Variants in CALN1 observed in about 807,000 individuals in gnomAD.
The protein encoded by CALN1 is calcium-binding protein 8.
CALN1 carries 17 observed loss-of-function variants against 30.6 expected under a neutral mutation model. The observed-to-expected ratio is 0.56, with a 90% CI of 0.38 to 0.83. CALN1 has a LOEUF of 0.83. Ranked by LOEUF, CALN1 falls within the 40% of genes least tolerant of loss-of-function variation. The probability of loss-of-function intolerance (pLI) is 0.00; values close to 1 mark genes in which losing one functional copy is unlikely to be tolerated. For synonymous variants in CALN1, 156 were observed against 131.4 expected, an observed-to-expected ratio of 1.19 and a Z score of -1.28; for missense variants, 291 against 354.9, an observed-to-expected ratio of 0.82 and a Z score of 1.45.
At chr7:72,260,876 T>TC (rs1275934972) in intron 3 of CALN1, among the ~76,000 whole-genome samples, 2 of 152,146 alleles carry the variant, frequency 1.3e-5, no homozygotes, top group African/African-American at 4.8e-5. Context: ...TGATCTATCA[T>TC]CCCTACGGTG....
chr7:72,179,474 G>A (rs561314291), intron 3 of CALN1, among the ~76,000 whole-genome samples: 2 of 152,158 alleles, frequency 1.3e-5, no homozygotes, highest in East Asian at 3.9e-4. Context: ...AAACCAGCAA[G>A]TTTTCTCTAA....
At position 71,779,939 on chromosome 7, in the gene CALN1, G is replaced by C. The variant is rs1267186877; in HGVS notation, c.*7836C>G. 2 of 152,068 alleles carry C rather than the reference G, an allele frequency of 1.3e-5. No individual in the cohort carries two copies. The highest frequency in any genetic ancestry group is 1.3e-4 in the Admixed American group (2 of 15,256). The allele number at this position is 152,068 out of a possible 1,614,324, so 9.4% of individuals were successfully genotyped here. A position where few individuals can be genotyped will look rare whatever the true frequency, so the allele number is the denominator to read the frequency against. ...GCTTCTATTTACACCCAACATATTGGGGGCAATATACAAAATACAGTCATT... is the reference window on the plus strand; with the variant it reads ...GCTTCTATTTACACCCAACATATTGCGGGCAATATACAAAATACAGTCATT... On this transcript the variant is annotated 3_prime_UTR_variant, in exon 7 of 7. Transcript: ENST00000395275.
At chr7:72,039,275 C>G (rs844669) in intron 4 of CALN1, among the ~76,000 whole-genome samples, 1 of 151,992 alleles carries the variant, frequency 6.6e-6, no homozygotes, top group Non-Finnish European at 1.5e-5. Flanking sequence ...GAAGAGGACT[C>G]AGCAAAGGGC....
chr7:72,437,643 TTCTC>T lies in CALN1; in HGVS notation c.-226+9395_-226+9398del, dbSNP rs1236624183. Among the ~76,000 whole-genome samples, 21 of 151,546 alleles carry T rather than the reference TTCTC, an allele frequency of 1.4e-4. No individual in the cohort carries two copies. In the South Asian group the frequency reaches 1.5e-3, roughly 11 times the overall value. On this transcript the variant is annotated intron_variant, in intron 1 of 6. Coordinates refer to the CALN1 transcript ENST00000395276. Reference sequence around the variant, plus strand: ...TGCCTTTCTTTCTTTTTCTTTCTCTTTCTCTCTTTCTTTCTTTTCTTTCTTTCTT... The same window carrying T: ...TGCCTTTCTTTCTTTTTCTTTCTCTTTCTTTCTTTCTTTTCTTTCTTTCTT...
At chr7:72,155,923 G>C (rs1787644154) in intron 3 of CALN1, among the ~76,000 whole-genome samples, 1 of 152,118 alleles carries the variant, frequency 6.6e-6, no homozygotes, top group Non-Finnish European at 1.5e-5. Flanking sequence ...CAGCTGAATA[G>C]CATTTTTTCC....
At chr7:72,395,754 A>G (rs7784524) in intron 2 of CALN1, among the ~76,000 whole-genome samples, 85,138 of 151,790 alleles carry the variant, frequency 0.56, 24,899 homozygotes, top group East Asian at 0.72. Flanking sequence ...GAAAACCGAG[A>G]AGGAAAAGAT....
At chr7:72,203,486 T>A (rs915071672) in intron 3 of CALN1, among the ~76,000 whole-genome samples, 9 of 152,164 alleles carry the variant, frequency 5.9e-5, no homozygotes, top group Non-Finnish European at 1.3e-4. Flanking sequence ...ACTGCCAGGA[T>A]GTTTCTGGGG....
intron 2 of CALN1, among the ~76,000 whole-genome samples, chr7:72,329,723 G>A (rs1022722901): frequency 1.1e-4 from 17 of 152,192 alleles, no homozygotes; most frequent in African/African-American, 3.6e-4. Context: ...GGAGGCTGAG[G>A]CAGGTGGATC....
intron 4 of CALN1, among the ~76,000 whole-genome samples, chr7:72,081,825 C>A (rs1805167310): frequency 6.6e-6 from 1 of 152,088 alleles, no homozygotes; most frequent in African/African-American, 2.4e-5. Context: ...CTCTGCTGAG[C>A]CTGATTTATC....
Position 72,142,571 on chromosome 7 carries a change from G to A in CALN1, c.245-36277C>T, listed in dbSNP as rs373082128. ...GGGGCAGGGCATAGCCGAACAAAAC[G>A]CAGCAGAAACTTCTGCAGACTTAAA... On this transcript the variant is annotated intron_variant, in intron 3 of 6. Coordinates refer to ENST00000395275, the MANE Select transcript of CALN1 (RefSeq NM_031468.4). Among the ~76,000 whole-genome samples, 65 of 152,298 alleles carry A rather than the reference G, an allele frequency of 4.3e-4. 2 individuals carry two copies. The East Asian group carries it at 6.2e-3, about 14-fold the overall frequency.
intron 4 of CALN1, among the ~76,000 whole-genome samples, chr7:72,084,741 A>C (rs763313758): frequency 2.0e-5 from 3 of 152,180 alleles, no homozygotes; most frequent in Admixed American, 2.0e-4. Context: ...TCAAAGTTTC[A>C]AATGTCTGCT....
At chr7:72,250,152 C>G (rs1795456904) in intron 3 of CALN1, among the ~76,000 whole-genome samples, 1 of 152,176 alleles carries the variant, frequency 6.6e-6, no homozygotes, top group South Asian at 2.1e-4. Flanking sequence ...AAAATTCTAT[C>G]TTAATGCAGT....
chr7:72,212,588 C>CAGG (rs150310599), intron 3 of CALN1, among the ~76,000 whole-genome samples: 6,387 of 152,110 alleles, frequency 0.042, 420 homozygotes, highest in African/African-American at 0.14. Context: ...AGGAGGCTGA[C>CAGG]AGGATTGCTT....
At chr7:71,883,018 T>C (rs1375643519) in intron 5 of CALN1, among the ~76,000 whole-genome samples, 1 of 152,162 alleles carries the variant, frequency 6.6e-6, no homozygotes, top group African/African-American at 2.4e-5. Flanking sequence ...CCCAGCCTCA[T>C]CTTACTTTAC....
At chr7:72,459,558 G>A in the CALN1 span, among the ~76,000 whole-genome samples, 3 of 151,284 alleles carry the variant, frequency 2.0e-5, no homozygotes, top group African/African-American at 7.3e-5. Flanking sequence ...CCCAGGAAGT[G>A]GAGGCTGCAG....
At chr7:72,085,183 C>T (rs557476372) in intron 4 of CALN1, among the ~76,000 whole-genome samples, 2 of 152,258 alleles carry the variant, frequency 1.3e-5, no homozygotes, top group East Asian at 1.9e-4. Context: ...TATCATCTGA[C>T]ATTATCACAA....
chr7:72,151,910 C>CTTTT (rs369752622), intron 3 of CALN1, among the ~76,000 whole-genome samples: 1 of 132,864 alleles, frequency 7.5e-6, no homozygotes, highest in Non-Finnish European at 1.6e-5. Flanking sequence ...TTATTCTTTT[C>CTTTT]TTTTTTTTTT....
intron 2 of CALN1, among the ~76,000 whole-genome samples, chr7:72,352,385 T>C (rs985007076): frequency 1.7e-5 from 1 of 57,584 alleles, no homozygotes. Context: ...TGAGACTCTG[T>C]CTCAAAAAAA....
chr7:71,791,566 AG>A (rs2115901066), intron 6 of CALN1, among the ~76,000 whole-genome samples: 1 of 152,256 alleles, frequency 6.6e-6, no homozygotes, highest in South Asian at 2.1e-4. Flanking sequence ...GGAGGGTAGG[AG>A]GAGGGAGACG....
Sources: allele counts gnomAD v4.1 joint callset (sites outside exome capture counted in the v4.1 genomes callset), GRCh38; gene constraint gnomAD v4.1.1; transcripts MANE v1.5; gene names NCBI Gene and HGNC (gene_info 2026-07-23, HGNC 2026-07-21).